The following SSH2 variants were observed in gnomAD, a reference collection of about 807,000 sequenced individuals.
The protein encoded by SSH2 is slingshot protein phosphatase 2, also known as protein phosphatase Slingshot homolog 2.
Under a neutral mutation model 135.2 loss-of-function variants are expected in SSH2, and 37 were observed. The observed-to-expected ratio is 0.27, with a 90% confidence interval of 0.21 to 0.36. The LOEUF (loss-of-function observed/expected upper bound fraction) is 0.36, where lower values mean the gene tolerates loss of function less well. Among genes scored for constraint, SSH2 ranks in the 10% least tolerant of loss-of-function variants. The pLI is 1.00. For synonymous variants in SSH2, 628 were observed against 646.2 expected (o/e 0.97, Z 0.43); for missense variants, 1,408 against 1,765.3 (o/e 0.80, Z 3.63).
intron 2 of SSH2, among the ~76,000 whole-genome samples, chr17:29,808,929 C>CT (rs1334602776): frequency 6.6e-6 from 1 of 152,060 alleles, no homozygotes. Flanking sequence ...CTATAAACTC[C>CT]TTTTTCTGCT....
At chr17:29,806,663 A>T (rs1281051145) in intron 2 of SSH2, among the ~76,000 whole-genome samples, 1 of 152,344 alleles carries the variant, frequency 6.6e-6, no homozygotes, top group Non-Finnish European at 1.5e-5. Context: ...TGCCTAGTGC[A>T]GCAGGGGACG....
intron 3 of SSH2, among the ~76,000 whole-genome samples, chr17:29,708,459 G>A (rs750956893): frequency 2.0e-5 from 3 of 152,058 alleles, no homozygotes; most frequent in African/African-American, 2.4e-5. Flanking sequence ...GCGTGGTGGC[G>A]GGTGCCTGTA....
rs970424759 is a variant in SSH2 at position 29,626,293 on chromosome 17, AAAAAG to A, written c.*4543_*4547del. ...AAACAAAGCAGAAAGAAAAAAAAAA[AAAAAG>A]AAAAGTAAAGGCACCTTTAGATATG... On this transcript the variant is annotated 3_prime_UTR_variant, in exon 16 of 16. Coordinates refer to ENST00000540801, the MANE Select transcript of SSH2 (RefSeq NM_001282129.2). 4.6e-5 allele frequency: 7 copies of A among 152,568 alleles called. No individual in the cohort carries two copies. Among genetic ancestry groups the A allele is most frequent in the African/African-American group, 1.7e-4 (7 of 41,424 alleles). 9.5% of individuals were successfully genotyped at this position (152,568 alleles called of 1,614,324 possible). A position where few individuals can be genotyped will look rare whatever the true frequency, so the allele number is the denominator to read the frequency against.
intron 3 of SSH2, among the ~76,000 whole-genome samples, chr17:29,733,549 C>CT (rs1027078692): frequency 3.3e-5 from 5 of 151,242 alleles, no homozygotes; most frequent in East Asian, 3.9e-4. Context: ...ATCTGCTGTA[C>CT]TTTTTTTTTC....
At chr17:29,796,401 C>T (rs775960510) in intron 2 of SSH2, among the ~76,000 whole-genome samples, 226 of 152,244 alleles carry the variant, frequency 1.5e-3, no homozygotes, top group Non-Finnish European at 2.4e-3. Context: ...AGTGCAGTGG[C>T]GCAATCTCAG....
At chr17:29,737,904 G>A (rs2040422032) in intron 3 of SSH2, among the ~76,000 whole-genome samples, 1 of 149,770 alleles carries the variant, frequency 6.7e-6, no homozygotes, top group Admixed American at 6.7e-5. Context: ...CCAGCTGGCT[G>A]ACCTTGAGAA....
intron 1 of SSH2, among the ~76,000 whole-genome samples, chr17:29,926,843 T>C (rs2067076668): frequency 6.6e-6 from 1 of 152,204 alleles, no homozygotes; most frequent in African/African-American, 2.4e-5. Flanking sequence ...TCACAGCTTG[T>C]CTCTTGGCCT....
chr17:29,724,763 G>T (rs1229145204), intron 3 of SSH2, among the ~76,000 whole-genome samples: 9 of 150,048 alleles, frequency 6.0e-5, no homozygotes, highest in African/African-American at 2.2e-4. Flanking sequence ...CTAATTTTTG[G>T]TATTTTAGTA....
intron 1 of SSH2, among the ~76,000 whole-genome samples, chr17:29,875,983 C>CG (rs1259068111): frequency 2.8e-5 from 2 of 71,712 alleles, no homozygotes; most frequent in African/African-American, 8.5e-5. Flanking sequence ...AAGAGGACAC[C>CG]AAAAAAAAAA....
chr17:29,706,787 GT>G (rs1336626499), intron 3 of SSH2, among the ~76,000 whole-genome samples: 2 of 152,334 alleles, frequency 1.3e-5, no homozygotes, highest in African/African-American at 4.8e-5. Flanking sequence ...TTGTTGAAGA[GT>G]TTAAAACAAC....
At chr17:29,691,077 C>T (rs897960312) in intron 5 of SSH2, among the ~76,000 whole-genome samples, 7 of 151,524 alleles carry the variant, frequency 4.6e-5, no homozygotes, top group South Asian at 2.1e-4. Context: ...TTATTTATAC[C>T]TTTTTGCATT....
chr17:29,915,567 A>G (rs936519629), intron 1 of SSH2, among the ~76,000 whole-genome samples: 11 of 152,318 alleles, frequency 7.2e-5, no homozygotes, highest in African/African-American at 2.6e-4. Context: ...ACCACTTGCA[A>G]CGATCTGTCC....
chr17:29,685,707 G>A (rs1299626701), intron 5 of SSH2, among the ~76,000 whole-genome samples: 1 of 150,358 alleles, frequency 6.7e-6, no homozygotes, highest in Non-Finnish European at 1.5e-5. Flanking sequence ...GAGGATCACT[G>A]GAACCCAGGA....
intron 3 of SSH2, among the ~76,000 whole-genome samples, chr17:29,756,305 C>T (rs976857430): frequency 1.3e-5 from 2 of 151,720 alleles, no homozygotes; most frequent in Non-Finnish European, 2.9e-5. Flanking sequence ...TAGTCTCCCT[C>T]TATTGCCCAA....
At chr17:29,883,235 C>T (rs1048250756) in intron 1 of SSH2, 2 of 152,000 alleles carry the variant, frequency 1.3e-5, no homozygotes, top group Admixed American at 1.3e-4. Context: ...TTAGTAAGTT[C>T]AAAGAATTTA....
chr17:29,853,663 G>A (rs1280020466), intron 1 of SSH2, among the ~76,000 whole-genome samples: 1 of 151,788 alleles, frequency 6.6e-6, no homozygotes, highest in Non-Finnish European at 1.5e-5. Flanking sequence ...TCCTGGTTCT[G>A]CCACCTACTA....
At chr17:29,826,228 T>C (rs1380482992) in intron 2 of SSH2, among the ~76,000 whole-genome samples, 4 of 152,206 alleles carry the variant, frequency 2.6e-5, no homozygotes, top group Non-Finnish European at 5.9e-5. Context: ...TCATCTTGAC[T>C]GGTCACTGTG....
chr17:29,885,348 TAAAAAAAAA>T (rs72403205), intron 1 of SSH2, among the ~76,000 whole-genome samples: 1 of 127,100 alleles, frequency 7.9e-6, no homozygotes, highest in South Asian at 2.6e-4. Context: ...TATTGTATCA[TAAAAAAAAA>T]AAAAAAAAAA....
intron 2 of SSH2, among the ~76,000 whole-genome samples, chr17:29,804,213 T>C (rs764618319): frequency 6.6e-6 from 1 of 152,222 alleles, no homozygotes; most frequent in African/African-American, 2.4e-5. Context: ...ATTAATATTA[T>C]GACAGGGTTT....
Sources: allele counts gnomAD v4.1 joint callset (sites outside exome capture counted in the v4.1 genomes callset), GRCh38; gene constraint gnomAD v4.1.1; transcripts MANE v1.5; gene names NCBI Gene and HGNC (gene_info 2026-07-23, HGNC 2026-07-21).